Variants in PTPRR observed in about 807,000 individuals in gnomAD.
PTPRR encodes the protein receptor-type tyrosine-protein phosphatase R.
In PTPRR, 38 loss-of-function variants were observed where a neutral mutation model predicts 77.2. The ratio of observed to expected loss-of-function variants is 0.49; its 90% CI spans 0.38 to 0.65. PTPRR has a LOEUF of 0.65. PTPRR is among the 30% of genes least tolerant of loss of function. PTPRR has a pLI of 0.00. For synonymous variants in PTPRR, 299 were observed against 283.1 expected (o/e 1.06, Z -0.57); for missense variants, 744 against 799.2 (o/e 0.93, Z 0.83).
chr12:70,817,945 G>A (rs1310243389), intron 2 of PTPRR, among the ~76,000 whole-genome samples: 4 of 152,094 alleles, frequency 2.6e-5, no homozygotes, highest in Admixed American at 1.3e-4. Flanking sequence ...CAGGTGCAGC[G>A]GCTCACGCCT....
intron 2 of PTPRR, among the ~76,000 whole-genome samples, chr12:70,766,785 C>T (rs1035423401): frequency 5.9e-5 from 9 of 152,208 alleles, no homozygotes; most frequent in African/African-American, 9.6e-5. Flanking sequence ...TTACCCACAA[C>T]GGGAAGCCCA....
At chr12:70,667,314 G>A (rs1295607965) in intron 10 of PTPRR, among the ~76,000 whole-genome samples, 1 of 152,128 alleles carries the variant, frequency 6.6e-6, no homozygotes, top group Non-Finnish European at 1.5e-5. Flanking sequence ...GCAGGCTAAT[G>A]CAGTTTAAAC....
rs186336463 is a variant in PTPRR, at chr12:70,780,633, C to T, written c.358-15855G>A. On this transcript the variant is annotated intron_variant, in intron 2 of 13. Coordinates refer to ENST00000283228, the MANE Select transcript of PTPRR (RefSeq NM_002849.4). Reference sequence around the variant, plus strand: ...TATATATGCATATACCTACACATATCATACAAATATTTATCCATTTTCATG... The same window carrying T: ...TATATATGCATATACCTACACATATTATACAAATATTTATCCATTTTCATG... Among the ~76,000 whole-genome samples, 63 of 152,168 alleles carry T rather than the reference C, an allele frequency of 4.1e-4. No individual in the cohort carries two copies. The East Asian group carries it at 0.011, about 27-fold the overall frequency.
chr12:70,659,972 T>C (rs1055156459), intron 12 of PTPRR, among the ~76,000 whole-genome samples: 2 of 151,688 alleles, frequency 1.3e-5, no homozygotes, highest in African/African-American at 2.4e-5. Flanking sequence ...AGTCAGGAGT[T>C]TGAGACCAGC....
intron 6 of PTPRR, among the ~76,000 whole-genome samples, chr12:70,710,516 T>C (rs933144580): frequency 1.3e-5 from 2 of 151,938 alleles, no homozygotes; most frequent in African/African-American, 4.8e-5. Flanking sequence ...GATGAAGATG[T>C]CAAAAATGAT....
chr12:70,734,961 C>T (rs1468012013), intron 6 of PTPRR, among the ~76,000 whole-genome samples: 10 of 152,174 alleles, frequency 6.6e-5, no homozygotes, highest in Admixed American at 6.5e-4. Flanking sequence ...CATGACGTAC[C>T]ATTAATTTTC....
intron 13 of PTPRR, among the ~76,000 whole-genome samples, chr12:70,641,054 T>G (rs1885979058): frequency 6.6e-6 from 1 of 152,222 alleles, no homozygotes. Context: ...CAGCTGAGAA[T>G]GTGGTAATGG....
At chr12:70,715,434 A>AG (rs1425960309) in intron 6 of PTPRR, among the ~76,000 whole-genome samples, 1 of 152,204 alleles carries the variant, frequency 6.6e-6, no homozygotes, top group African/African-American at 2.4e-5. Context: ...ACATCTTATC[A>AG]GGAGACAGGG....
intron 2 of PTPRR, among the ~76,000 whole-genome samples, chr12:70,850,375 A>G (rs1240546508): frequency 6.6e-6 from 1 of 152,100 alleles, no homozygotes; most frequent in Non-Finnish European, 1.5e-5. Flanking sequence ...AAAAAAATAA[A>G]AGGTAATTTT....
intron 2 of PTPRR, among the ~76,000 whole-genome samples, chr12:70,886,259 A>G (rs765518769): frequency 3.3e-5 from 5 of 152,250 alleles, no homozygotes. Flanking sequence ...GCAAGGATAC[A>G]GTAATAGCTG....
chr12:70,770,671 C>T (rs1281576209), intron 2 of PTPRR, among the ~76,000 whole-genome samples: 16 of 152,252 alleles, frequency 1.1e-4, no homozygotes, highest in Admixed American at 8.5e-4. Context: ...ACCCAAAGGA[C>T]TATAAATCAT....
intron 10 of PTPRR, among the ~76,000 whole-genome samples, chr12:70,667,325 A>G (rs1380345750): frequency 6.6e-6 from 1 of 152,156 alleles, no homozygotes; most frequent in East Asian, 1.9e-4. Context: ...CAGTTTAAAC[A>G]TAACACTGTG....
At chr12:70,831,595 A>T (rs148205369) in intron 2 of PTPRR, among the ~76,000 whole-genome samples, 6 of 152,306 alleles carry the variant, frequency 3.9e-5, no homozygotes, top group African/African-American at 1.4e-4. Context: ...GTTGTTACAA[A>T]TGCTACAAAA....
chr12:70,685,473 C>CAAAAAAAAAAAAAAAA (rs61205959), intron 8 of PTPRR, among the ~76,000 whole-genome samples: 19 of 60,976 alleles, frequency 3.1e-4, no homozygotes, highest in South Asian at 9.3e-4. Flanking sequence ...GACTTCATCT[C>CAAAAAAAAAAAAAAAA]AAAAAAAAAA....
chr12:70,784,886 G>T (rs1022600472), intron 2 of PTPRR, among the ~76,000 whole-genome samples: 9 of 152,178 alleles, frequency 5.9e-5, no homozygotes, highest in African/African-American at 2.2e-4. Flanking sequence ...GATTTGCAGT[G>T]TTTACAGTTA....
At chr12:70,645,887 A>C (rs1886179280) in intron 13 of PTPRR, among the ~76,000 whole-genome samples, 1 of 152,108 alleles carries the variant, frequency 6.6e-6, no homozygotes, top group South Asian at 2.1e-4. Flanking sequence ...AAACCTCTCC[A>C]GATGCCCAGG....
At chr12:70,745,022 G>T (rs1471015759) in intron 6 of PTPRR, among the ~76,000 whole-genome samples, 1 of 152,030 alleles carries the variant, frequency 6.6e-6, no homozygotes, top group East Asian at 1.9e-4. Context: ...TGAATCACAT[G>T]TATAATACAT....
intron 6 of PTPRR, among the ~76,000 whole-genome samples, chr12:70,709,421 T>G (rs936864464): frequency 6.6e-6 from 1 of 152,122 alleles, no homozygotes; most frequent in African/African-American, 2.4e-5. Context: ...ACAAGAATGC[T>G]TTCACCACTT....
intron 2 of PTPRR, among the ~76,000 whole-genome samples, chr12:70,775,700 C>A (rs1891072628): frequency 1.3e-5 from 2 of 152,082 alleles, no homozygotes; most frequent in Admixed American, 6.6e-5. Context: ...CAATTCCCAA[C>A]AGCCACAAAA....
Sources: gnomAD v4.1 joint callset for allele counts (sites outside exome capture counted in the v4.1 genomes callset) on GRCh38, gnomAD v4.1.1 for gene constraint, MANE v1.5 for transcripts, NCBI Gene and HGNC (gene_info 2026-07-23, HGNC 2026-07-21) for gene names.